The following PIK3R3 variants were observed in gnomAD, a reference collection of about 807,000 sequenced individuals.
The protein encoded by PIK3R3 is phosphatidylinositol 3-kinase regulatory subunit gamma.
PIK3R3 carries 64 observed loss-of-function variants against 62.9 expected under a neutral mutation model. The observed-to-expected ratio is 1.02, with a 90% CI of 0.83 to 1.25. The LOEUF (loss-of-function observed/expected upper bound fraction) is 1.25, where lower values mean the gene tolerates loss of function less well. PIK3R3 is among the 50% of genes most tolerant of loss of function. The pLI, the probability that PIK3R3 is intolerant of heterozygous loss-of-function variation, is 0.00. For synonymous variants in PIK3R3, 165 were observed against 189.0 expected, an observed-to-expected ratio of 0.87 and a Z score of 1.04; for missense variants, 614 against 561.6, an observed-to-expected ratio of 1.09 and a Z score of -0.94.
Position 46,053,992 on chromosome 1 carries a change from T to A in PIK3R3, c.941+1803A>T, listed in dbSNP as rs1571362704. ...TTACAAAGCTCTTCAGTATGCTATATACACTTGGCTTGACTTTTGGCCACA... is the reference window on the plus strand; with the variant it reads ...TTACAAAGCTCTTCAGTATGCTATAAACACTTGGCTTGACTTTTGGCCACA... On this transcript the variant is annotated intron_variant, in intron 7 of 9. Coordinates refer to ENST00000262741, the MANE Select transcript of PIK3R3 (RefSeq NM_003629.4). 2.0e-5 allele frequency among the ~76,000 whole-genome samples: 3 copies of A among 152,280 alleles called. No individual in the cohort carries two copies. The East Asian group carries it at 5.8e-4, about 29-fold the overall frequency.
chr1:46,080,857 C>T, intron 1 of PIK3R3, 107 bp from the exon 2 acceptor site: 1 of 680,652 alleles, frequency 1.5e-6, no homozygotes, highest in Non-Finnish European at 2.6e-6. Context: ...TAATAATTAT[C>T]AATCAAATTG....
In PIK3R3 at chr1:46,086,124, CAT is replaced by C. The variant is rs1177467133; in HGVS notation, c.107-5376_107-5375del. On this transcript the variant is annotated intron_variant, in intron 1 of 9. Coordinates refer to ENST00000262741, the MANE Select transcript of PIK3R3 (RefSeq NM_003629.4). ...ATTAATATGTAGCTATATGAAGAAACATAGAGACATATAGATGTTTTAAGTGT... is the reference window on the plus strand; with the variant it reads ...ATTAATATGTAGCTATATGAAGAAACAGAGACATATAGATGTTTTAAGTGT... 5.9e-5 allele frequency among the ~76,000 whole-genome samples: 9 copies of C among 152,154 alleles called. No individual in the cohort carries two copies. The South Asian group carries it at 8.3e-4, about 14-fold the overall frequency.
chr1:46,111,865 T>C (rs2149455717), intron 1 of PIK3R3, among the ~76,000 whole-genome samples: 1 of 152,324 alleles, frequency 6.6e-6, no homozygotes, highest in South Asian at 2.1e-4. Flanking sequence ...CACTTTTTAG[T>C]ATTATTGTAT....
At chr1:46,126,785 T>C (rs182804660) in intron 1 of PIK3R3, among the ~76,000 whole-genome samples, 2 of 151,372 alleles carry the variant, frequency 1.3e-5, no homozygotes, top group African/African-American at 2.4e-5. Context: ...AAAAAAGCCA[T>C]ATGTATAATG....
chr1:46,096,373 C>T (rs1279728718), intron 1 of PIK3R3, among the ~76,000 whole-genome samples: 1 of 152,134 alleles, frequency 6.6e-6, no homozygotes, highest in Non-Finnish European at 1.5e-5. Context: ...ATTATATCAC[C>T]ATAGTCTCTC....
intron 1 of PIK3R3, among the ~76,000 whole-genome samples, chr1:46,096,612 A>G (rs544449152): frequency 1.3e-5 from 2 of 152,334 alleles, no homozygotes; most frequent in Admixed American, 1.3e-4. Context: ...GGCAGTAATA[A>G]AACTGGCCAG....
chr1:46,052,119 C>CAT (rs1647413003), intron 7 of PIK3R3, among the ~76,000 whole-genome samples: 2 of 151,556 alleles, frequency 1.3e-5, no homozygotes, highest in African/African-American at 4.9e-5. Flanking sequence ...GCCTGAGTGA[C>CAT]AGAGTGAGAC....
At chr1:46,107,999 T>G (rs927605669) in intron 1 of PIK3R3, among the ~76,000 whole-genome samples, 10 of 152,206 alleles carry the variant, frequency 6.6e-5, no homozygotes, top group African/African-American at 2.4e-4. Context: ...CTCATTTTCT[T>G]CACCTATAAA....
the PIK3R3 span, among the ~76,000 whole-genome samples, chr1:46,161,073 C>T: frequency 6.6e-6 from 1 of 151,934 alleles, no homozygotes; most frequent in African/African-American, 2.4e-5. Context: ...TACTAAACAC[C>T]CAAAAAGTAA....
Position 46,132,387 on chromosome 1 carries a change from C to T in PIK3R3, c.-435G>A, listed in dbSNP as rs958304932. On this transcript the variant is annotated 5_prime_UTR_variant, in exon 1 of 10. Coordinates refer to ENST00000262741, the MANE Select transcript of PIK3R3 (RefSeq NM_003629.4). The stretch of plus-strand genomic sequence containing the variant: ...CGTTGGGAGAAACCCGGGCAAGTGA[C>T]AAAGGAAGGCAAAAAAGGGGGCTGG... 2 of 1,125,698 alleles carry T rather than the reference C, an allele frequency of 1.8e-6. No homozygotes were observed. Among genetic ancestry groups the T allele is most frequent in the African/African-American group, 1.7e-5 (1 of 59,854 alleles). The allele number at this position is 1,125,698 out of a possible 1,614,324, so 69.7% of individuals were successfully genotyped here.
chr1:46,051,495 A>G (rs1008394411), intron 7 of PIK3R3, among the ~76,000 whole-genome samples: 1 of 152,076 alleles, frequency 6.6e-6, no homozygotes, highest in African/African-American at 2.4e-5. Flanking sequence ...TCCTGACCTC[A>G]GGTGATCCAC....
chr1:46,151,451 A>G, the PIK3R3 span, among the ~76,000 whole-genome samples: 25 of 152,324 alleles, frequency 1.6e-4, no homozygotes, highest in African/African-American at 5.8e-4. Flanking sequence ...GGTTGAAGAC[A>G]GTTAAACCCC....
At chr1:46,104,826 G>A (rs1352572565) in intron 1 of PIK3R3, 3 of 392,848 alleles carry the variant, frequency 7.6e-6, no homozygotes, top group African/African-American at 6.3e-5. Flanking sequence ...CAGCTACTCA[G>A]GAAGCTAAGG....
chr1:46,074,606 G>A (rs12094872), intron 3 of PIK3R3, among the ~76,000 whole-genome samples: 1 of 151,104 alleles, frequency 6.6e-6, no homozygotes, highest in Non-Finnish European at 1.5e-5. Context: ...CAGCTGCCTA[G>A]AGGAAGGCCA....
chr1:46,045,644 T>TTTTTTTTTCC (rs370501368), intron 9 of PIK3R3, among the ~76,000 whole-genome samples: 27 of 82,680 alleles, frequency 3.3e-4, no homozygotes, highest in Non-Finnish European at 5.2e-4. Context: ...TTTTTTTTTT[T>TTTTTTTTTCC]CAATTTAAGA....
intron 3 of PIK3R3, among the ~76,000 whole-genome samples, chr1:46,074,299 AAAAAAAAAAAAAAAAAAAC>A (rs1649846816): frequency 7.0e-6 from 1 of 142,316 alleles, no homozygotes; most frequent in African/African-American, 2.7e-5. Context: ...AAAAAAAAAA[AAAAAAAAAAAAAAAAAAAC>A]CAATAAATTC....
At chr1:46,100,339 A>G (rs111367207) in intron 1 of PIK3R3, among the ~76,000 whole-genome samples, 1 of 152,020 alleles carries the variant, frequency 6.6e-6, no homozygotes, top group African/African-American at 2.4e-5. Context: ...ATCTCATTTT[A>G]TTTTCCATAT....
intron 1 of PIK3R3, among the ~76,000 whole-genome samples, chr1:46,109,162 C>CA (rs758453256): frequency 0.04 from 2,825 of 69,958 alleles, 90 homozygotes; most frequent in African/African-American, 0.11. Context: ...GACTCTGTCT[C>CA]AAAAAAAAAA....
chr1:46,162,746 G>A, the PIK3R3 span, among the ~76,000 whole-genome samples: 2 of 151,698 alleles, frequency 1.3e-5, no homozygotes, highest in Admixed American at 6.6e-5. Flanking sequence ...CTCAGCCTCC[G>A]AAGTACCTGG....
Sources: gnomAD v4.1 joint callset for allele counts (sites outside exome capture counted in the v4.1 genomes callset) on GRCh38, gnomAD v4.1.1 for gene constraint, MANE v1.5 for transcripts, NCBI Gene and HGNC (gene_info 2026-07-23, HGNC 2026-07-21) for gene names.